IGF2BP1: variants seen among roughly 807,000 people sequenced by gnomAD.
IGF2BP1 encodes insulin-like growth factor 2 mRNA-binding protein 1.
IGF2BP1 carries 11 observed loss-of-function variants against 74.9 expected under a neutral mutation model. The observed-to-expected ratio is 0.15, with a 90% confidence interval of 0.09 to 0.24. The LOEUF (loss-of-function observed/expected upper bound fraction) is 0.24, where lower values mean the gene tolerates loss of function less well. Among genes scored for constraint, IGF2BP1 ranks in the 10% least tolerant of loss-of-function variants. IGF2BP1 has a pLI of 1.00. For synonymous variants in IGF2BP1, 287 were observed against 281.8 expected, an observed-to-expected ratio of 1.02 and a Z score of -0.18; for missense variants, 440 against 757.4, an observed-to-expected ratio of 0.58 and a Z score of 4.92.
At chr17:49,047,922 C>T (rs1567829380) in intron 14 of IGF2BP1, among the ~76,000 whole-genome samples, 2 of 152,110 alleles carry the variant, frequency 1.3e-5, no homozygotes, top group South Asian at 2.1e-4. Context: ...CACCATGTGG[C>T]CCAGGCTGGT....
intron 2 of IGF2BP1, among the ~76,000 whole-genome samples, chr17:49,007,969 T>C (rs180897503): frequency 2.0e-5 from 3 of 152,086 alleles, no homozygotes; most frequent in Admixed American, 6.5e-5. Flanking sequence ...ATCAGGAGTT[T>C]GAGACCAGCC....
intron 7 of IGF2BP1, 127 bp from the exon 8 acceptor site, chr17:49,041,251 C>T (rs771820552): frequency 2.0e-4 from 189 of 923,902 alleles, no homozygotes; most frequent in Non-Finnish European, 3.0e-4. Flanking sequence ...TTAAAGTATG[C>T]AGTTTGATAA....
chr17:49,047,179 T>C (rs1385880171), intron 14 of IGF2BP1, among the ~76,000 whole-genome samples: 2 of 152,132 alleles, frequency 1.3e-5, no homozygotes, highest in East Asian at 3.8e-4. Context: ...CCATATAGTA[T>C]AGCATCAAGT....
intron 14 of IGF2BP1, among the ~76,000 whole-genome samples, chr17:49,047,656 A>T (rs1229038427): frequency 6.6e-6 from 1 of 151,762 alleles, no homozygotes; most frequent in Non-Finnish European, 1.5e-5. Flanking sequence ...GCCAGGGTTG[A>T]TGGAGTTGGA....
intron 5 of IGF2BP1, among the ~76,000 whole-genome samples, chr17:49,032,553 G>T (rs570368149): frequency 8.5e-5 from 13 of 152,208 alleles, no homozygotes; most frequent in African/African-American, 2.9e-4. Flanking sequence ...TACATTTTGC[G>T]CATTACTCAT....
Position 49,049,569 on chromosome 17 carries a change from T to C in IGF2BP1, c.*125T>C. The C allele has an allele frequency of 2.7e-6, 2 of 738,372 alleles. No individual in the cohort carries two copies. The highest frequency in any genetic ancestry group is 4.5e-6 in the Non-Finnish European group (2 of 443,702). 45.7% of individuals were successfully genotyped at this position (738,372 alleles called of 1,614,324 possible). ...CCTGGGCCGGGCTGTAGATCAGGTT[T>C]GCCCACTTGATTGAGAAAGATGTTC... On this transcript the variant is annotated 3_prime_UTR_variant, in exon 15 of 15. Transcript: ENST00000290341.
intron 9 of IGF2BP1, among the ~76,000 whole-genome samples, chr17:49,042,876 G>T (rs2042068007): frequency 6.6e-6 from 1 of 151,994 alleles, no homozygotes; most frequent in Non-Finnish European, 1.5e-5. Flanking sequence ...TGGAAACAGG[G>T]TCTTGCTGTG....
chr17:49,011,860 G>A (rs970457690), intron 2 of IGF2BP1, among the ~76,000 whole-genome samples: 3 of 150,510 alleles, frequency 2.0e-5, no homozygotes, highest in Admixed American at 6.6e-5. Context: ...TTTTCCTATC[G>A]CCGTTGAGAT....
intron 9 of IGF2BP1, 32 bp downstream of exon 9, chr17:49,042,409 T>A (rs906986760): frequency 6.2e-7 from 1 of 1,613,410 alleles, no homozygotes; most frequent in South Asian, 1.1e-5. Context: ...CTGCTTATCC[T>A]TTCCTGAGTC....
intron 2 of IGF2BP1, among the ~76,000 whole-genome samples, chr17:49,017,223 G>C (rs528780396): frequency 6.6e-6 from 1 of 152,060 alleles, no homozygotes; most frequent in African/African-American, 2.4e-5. Context: ...TTCTGAAGGG[G>C]TCCAGTGAGC....
chr17:49,002,887 C>A, intron 2 of IGF2BP1, among the ~76,000 whole-genome samples: 1 of 152,072 alleles, frequency 6.6e-6, no homozygotes, highest in East Asian at 1.9e-4. Context: ...TAACTGTTCT[C>A]ATTTGGGTGG....
chr17:49,019,935 TATATATATATATATTTATATAC>T (rs1324169106), intron 2 of IGF2BP1, among the ~76,000 whole-genome samples: 1 of 61,572 alleles, frequency 1.6e-5, no homozygotes, highest in Non-Finnish European at 3.1e-5. Context: ...TATATATATA[TATATATATATATATTTATATAC>T]ACACACACAC....
chr17:49,043,086 T>G (rs2042069987), intron 9 of IGF2BP1, among the ~76,000 whole-genome samples: 1 of 152,124 alleles, frequency 6.6e-6, no homozygotes, highest in African/African-American at 2.4e-5. Flanking sequence ...CGCCTTTTTC[T>G]CATATAGGGG....
chr17:49,040,141 G>A (rs2042034497), intron 7 of IGF2BP1, 50 bp downstream of exon 7: 3 of 1,601,720 alleles, frequency 1.9e-6, no homozygotes, highest in Non-Finnish European at 2.6e-6. Flanking sequence ...GTCCAGTTGA[G>A]CCTCCCCAAC....
chr17:49,017,113 G>A (rs2041714998), intron 2 of IGF2BP1, among the ~76,000 whole-genome samples: 1 of 152,024 alleles, frequency 6.6e-6, no homozygotes, highest in Admixed American at 6.6e-5. Flanking sequence ...CTTCCAGATG[G>A]GAGCGACAAC....
chr17:49,015,831 C>T (rs1437136233), intron 2 of IGF2BP1, among the ~76,000 whole-genome samples: 2 of 152,166 alleles, frequency 1.3e-5, no homozygotes, highest in Non-Finnish European at 2.9e-5. Flanking sequence ...CCGAGATAGG[C>T]GAATTGAGCA....
At chr17:49,047,711 C>T (rs2042120551) in intron 14 of IGF2BP1, among the ~76,000 whole-genome samples, 1 of 148,234 alleles carries the variant, frequency 6.7e-6, no homozygotes, top group Non-Finnish European at 1.5e-5. Context: ...AGATCAACTT[C>T]CTCTTTTTTT....
Position 48,997,674 on chromosome 17 carries a change from C to A in IGF2BP1, c.-72C>A. On this transcript the variant is annotated 5_prime_UTR_variant, in exon 1 of 15. Coordinates refer to ENST00000290341, the MANE Select transcript of IGF2BP1 (RefSeq NM_006546.4). The surrounding 1 kb of genome is among the most constrained non-coding windows in gnomAD (Gnocchi z 4.8). ...GCCGCCGGCCTCTCCGCCTCTTGGC[C>A]TAGGAGGCTCGCCGCCCGCGCCCGC... 6.5e-7 allele frequency: 1 copy of A among 1,536,282 alleles called. No individual in the cohort carries two copies. Among genetic ancestry groups the A allele is most frequent in the Non-Finnish European group, 8.9e-7 (1 of 1,126,676 alleles).
In IGF2BP1 at chr17:49,026,466, G is replaced by A; in HGVS notation, c.286G>A (p.Val96Ile). The A allele has an allele frequency of 6.2e-7, 1 of 1,613,986 alleles. No homozygotes were observed. Among genetic ancestry groups the A allele is most frequent in the Non-Finnish European group, 8.5e-7 (1 of 1,179,882 alleles). Residue 96 changes from valine (V) to isoleucine (I), a missense_variant and splice_region_variant, in exon 4 of 15, where the codon GTA (valine) becomes ATA (isoleucine). Transcript: ENST00000290341. ...RNIPPQLRWE[V>I]LDSLLAQYGT... is the part of the protein sequence containing the mutation. ...GTACTTCCCTTCTCCATTCTCCTAG[G>A]TACTGGACAGCCTGCTGGCTCAGTA...
Sources: gnomAD v4.1 joint callset for allele counts (sites outside exome capture counted in the v4.1 genomes callset) on GRCh38, gnomAD v4.1.1 for gene constraint, Gnocchi (gnomAD v3.1) non-coding constraint, MANE v1.5 for transcripts, NCBI Gene and HGNC (gene_info 2026-07-23, HGNC 2026-07-21) for gene names.